Variants in CYS1 observed in about 807,000 individuals in gnomAD.
CYS1 encodes cystin 1, also known as cystin-1.
Under a neutral mutation model 9.6 loss-of-function variants are expected in CYS1, and 5 were observed. That is an observed-to-expected ratio of 0.52 (90% confidence interval 0.27 to 1.10). The LOEUF is 1.10. Ranked by LOEUF, CYS1 falls within the 50% of genes least tolerant of loss-of-function variation. CYS1 has a pLI of 0.11. For missense variants in CYS1, 221 were observed against 207.9 expected, an observed-to-expected ratio of 1.06 and a Z score of -0.39; for synonymous variants, 88 against 95.7, an observed-to-expected ratio of 0.92 and a Z score of 0.47.
intron 2 of CYS1, among the ~76,000 whole-genome samples, chr2:10,065,422 TG>T (rs920288804): frequency 6.6e-5 from 10 of 152,024 alleles, no homozygotes; most frequent in African/African-American, 2.4e-4. Flanking sequence ...GCTCTGGGGT[TG>T]GGGGATTTTA....
chr2:10,064,722 A>T (rs79691800), intron 2 of CYS1, among the ~76,000 whole-genome samples: 6,540 of 150,566 alleles, frequency 0.043, 484 homozygotes, highest in African/African-American at 0.15. Flanking sequence ...TTATTTATTT[A>T]TTTATTTTTT....
chr2:10,075,445 G>T (rs1237946395), intron 1 of CYS1, among the ~76,000 whole-genome samples: 1 of 152,200 alleles, frequency 6.6e-6, no homozygotes, highest in East Asian at 1.9e-4. Flanking sequence ...ATCACTCATT[G>T]CCATTTAAAT....
intron 1 of CYS1, among the ~76,000 whole-genome samples, chr2:10,072,545 C>G (rs1661782279): frequency 6.6e-6 from 1 of 152,228 alleles, no homozygotes; most frequent in African/African-American, 2.4e-5. Flanking sequence ...ATTGGCAGAA[C>G]AATTCCATTC....
chr2:10,075,952 C>G (rs749812183), intron 1 of CYS1, among the ~76,000 whole-genome samples: 7 of 152,104 alleles, frequency 4.6e-5, no homozygotes, highest in Non-Finnish European at 1.0e-4. Context: ...TTTGGGAGGC[C>G]AAGGCAGGGG....
At chr2:10,072,894 G>A (rs959400864) in intron 1 of CYS1, among the ~76,000 whole-genome samples, 1 of 150,940 alleles carries the variant, frequency 6.6e-6, no homozygotes, top group Non-Finnish European at 1.5e-5. Context: ...GCTGTGAGTC[G>A]GAGAGTGGTG....
At position 10,058,629 on chromosome 2, in the gene CYS1, C is replaced by G; in HGVS notation, c.*224G>C. 2.3e-6 allele frequency: 1 copy of G among 443,856 alleles called. No homozygotes were observed. 27.5% of individuals were successfully genotyped at this position (443,856 alleles called of 1,614,324 possible). A position where few individuals can be genotyped will look rare whatever the true frequency, so the allele number is the denominator to read the frequency against. The stretch of plus-strand genomic sequence containing the variant: ...GAGGCGCCGGCGGCCCAGGCCCACG[C>G]ACCTGTGGGTCTACACAGCTAATCG... On this transcript the variant is annotated 3_prime_UTR_variant, in exon 3 of 3. Transcript: ENST00000381813.
intron 1 of CYS1, among the ~76,000 whole-genome samples, chr2:10,067,728 G>A (rs978086799): frequency 6.6e-6 from 1 of 152,128 alleles, no homozygotes; most frequent in Non-Finnish European, 1.5e-5. Flanking sequence ...AATTTATCTT[G>A]TGCTTAGCAG....
In CYS1 at chr2:10,063,279, T is replaced by G. The variant is rs1381492147; in HGVS notation, c.371+2625A>C. Among the ~76,000 whole-genome samples the G allele has an allele frequency of 6.6e-6, 1 of 152,112 alleles. No homozygotes were observed. The highest frequency in any genetic ancestry group is 2.4e-5 in the African/African-American group (1 of 41,426). ...GCAGGACCACATCACGTGGACCTAC[T>G]ACAGGAGAGGCCACATGTGGGAGGG... On this transcript the variant is annotated intron_variant, in intron 2 of 2. Coordinates refer to ENST00000381813, the MANE Select transcript of CYS1 (RefSeq NM_001037160.3). The surrounding 1 kb of genome is among the most constrained non-coding windows in gnomAD (Gnocchi z 4.2).
intron 1 of CYS1, among the ~76,000 whole-genome samples, chr2:10,072,359 A>T (rs1436501449): frequency 6.6e-6 from 1 of 152,248 alleles, no homozygotes; most frequent in African/African-American, 2.4e-5. Context: ...CTGGGATTAT[A>T]GGCGTGAGCC....
At chr2:10,070,141 G>C (rs1015782623) in intron 1 of CYS1, among the ~76,000 whole-genome samples, 4 of 152,256 alleles carry the variant, frequency 2.6e-5, no homozygotes, top group African/African-American at 4.8e-5. Context: ...GGTGAGGAGG[G>C]GGAGGGCAAG....
At chr2:10,078,264 G>A (rs1661887216) in intron 1 of CYS1, among the ~76,000 whole-genome samples, 2 of 152,204 alleles carry the variant, frequency 1.3e-5, no homozygotes, top group South Asian at 4.2e-4. Flanking sequence ...CTGGATCATT[G>A]CAGACTCCCC....
At chr2:10,068,386 T>C (rs775657297) in intron 1 of CYS1, among the ~76,000 whole-genome samples, 1 of 152,242 alleles carries the variant, frequency 6.6e-6, no homozygotes, top group Non-Finnish European at 1.5e-5. Flanking sequence ...CATTGGCAGC[T>C]TGTCATCATT....
intron 1 of CYS1, among the ~76,000 whole-genome samples, chr2:10,068,631 GAA>G (rs1268303069): frequency 6.6e-6 from 1 of 152,084 alleles, no homozygotes; most frequent in Non-Finnish European, 1.5e-5. Flanking sequence ...CTGTTCAAAG[GAA>G]AAAACTTTTG....
At position 10,063,084 on chromosome 2, in the gene CYS1, G is replaced by A. The variant is rs531797125; in HGVS notation, c.371+2820C>T. On this transcript the variant is annotated intron_variant, in intron 2 of 2. Coordinates refer to ENST00000381813, the MANE Select transcript of CYS1 (RefSeq NM_001037160.3). The surrounding 1 kb of genome is among the most constrained non-coding windows in gnomAD (Gnocchi z 4.2). ...GGCCCTCCCGGGGGAAGGACCTGGC[G>A]TTGTCAGGATGGTCAGGACTGGGGT... Among the ~76,000 whole-genome samples the A allele has an allele frequency of 4.6e-5, 7 of 152,360 alleles. No individual in the cohort carries two copies. The highest frequency in any genetic ancestry group is 3.9e-4 in the East Asian group (2 of 5,186).
intron 2 of CYS1, among the ~76,000 whole-genome samples, chr2:10,062,452 G>A (rs1411759410): frequency 6.6e-6 from 1 of 151,746 alleles, no homozygotes; most frequent in Admixed American, 6.6e-5. Flanking sequence ...GGAGTGCAGT[G>A]GCGCACTCTG....
At chr2:10,064,770 T>C (rs1292946434) in intron 2 of CYS1, among the ~76,000 whole-genome samples, 1 of 151,940 alleles carries the variant, frequency 6.6e-6, no homozygotes, top group Admixed American at 6.6e-5. Flanking sequence ...CAGGCTGGAG[T>C]GAAGTGGCGC....
rs1661654848 is a variant in CYS1, at chr2:10,063,457, G to A, written c.371+2447C>T. ...CAAACATACTGAAAAGTTAAAATTT[G>A]TAGATTCAACAATTAAGTTCAACTT... is the stretch of plus-strand genomic sequence containing the variant. On this transcript the variant is annotated intron_variant, in intron 2 of 2. Transcript: ENST00000381813. The surrounding 1 kb of genome is among the most constrained non-coding windows in gnomAD (Gnocchi z 4.2). Among the ~76,000 whole-genome samples, 1 of 152,206 alleles carries A rather than the reference G, an allele frequency of 6.6e-6. No homozygotes were observed.
Position 10,065,271 on chromosome 2 carries a change from A to C in CYS1, c.371+633T>G, listed in dbSNP as rs545678996. Among the ~76,000 whole-genome samples, 6 of 152,322 alleles carry C rather than the reference A, an allele frequency of 3.9e-5. No individual in the cohort carries two copies. In the South Asian group the frequency reaches 1.0e-3, roughly 26 times the overall value. On this transcript the variant is annotated intron_variant, in intron 2 of 2. Coordinates refer to ENST00000381813, the MANE Select transcript of CYS1 (RefSeq NM_001037160.3). The stretch of plus-strand genomic sequence containing the variant: ...ATTAAGGACAATGGCTAACATTTCC[A>C]AACTTTTTCACTCCCACAATCTTAC...
In CYS1 at chr2:10,072,087, CT is replaced by C. The variant is rs796306088; in HGVS notation, c.319-6132del. Reference sequence around the variant, plus strand: ...GTGAAAATTAAAGTTTCAAAGGTTACTTTTTTTTTTTTTGAGACAGAGTTTC... The same window carrying C: ...GTGAAAATTAAAGTTTCAAAGGTTACTTTTTTTTTTTTGAGACAGAGTTTC... On this transcript the variant is annotated intron_variant, in intron 1 of 2. Coordinates refer to ENST00000381813, the MANE Select transcript of CYS1 (RefSeq NM_001037160.3). 3.8e-3 allele frequency among the ~76,000 whole-genome samples: 551 copies of C among 146,052 alleles called. 2 individuals are homozygous for C. The highest frequency in any genetic ancestry group is 7.3e-3 in the African/African-American group (294 of 40,206).
Sources: gnomAD v4.1 joint callset for allele counts (sites outside exome capture counted in the v4.1 genomes callset) on GRCh38, gnomAD v4.1.1 for gene constraint, Gnocchi (gnomAD v3.1) non-coding constraint, MANE v1.5 for transcripts, NCBI Gene and HGNC (gene_info 2026-07-23, HGNC 2026-07-21) for gene names.